The following EIF2D variants were observed in gnomAD, a reference collection of about 807,000 sequenced individuals.
The protein encoded by EIF2D is eukaryotic translation initiation factor 2D, also known as hepatocellular carcinoma-associated antigen 56.
A neutral mutation model predicts 77.4 loss-of-function variants in EIF2D; 56 were observed. The ratio of observed to expected loss-of-function variants is 0.72; its 90% confidence interval spans 0.58 to 0.90. The LOEUF is 0.90. EIF2D is among the 40% of genes least tolerant of loss of function. EIF2D has a pLI of 0.00. For missense variants in EIF2D, 574 were observed against 706.5 expected, an observed-to-expected ratio of 0.81 and a Z score of 2.13; for synonymous variants, 230 against 271.0, an observed-to-expected ratio of 0.85 and a Z score of 1.49.
At position 206,574,853 on chromosome 1, in the gene EIF2D, CTTTTTT is replaced by C. The variant is rs71570015; in HGVS notation, c.*255-2160_*255-2155del. On this transcript the variant is annotated intron_variant and NMD_transcript_variant, in intron 4 of 5. Coordinates refer to the EIF2D transcript ENST00000472709. ...GAGACCATCACAAAGGGACCAATGA[CTTTTTT>C]TTTTTTTTTTTTTTTTTTGAGATGG... 8.1e-5 allele frequency among the ~76,000 whole-genome samples: 7 copies of C among 86,070 alleles called. 1 individual carries two copies. The highest frequency in any genetic ancestry group is 1.8e-4 in the African/African-American group (4 of 21,880). 56.5% of individuals were successfully genotyped at this position (86,070 alleles called of 152,430 possible).
At chr1:206,610,776 G>C (rs1670440352) in intron 2 of EIF2D, among the ~76,000 whole-genome samples, 1 of 151,398 alleles carries the variant, frequency 6.6e-6, no homozygotes, top group South Asian at 2.1e-4. Context: ...AGCTGAGATT[G>C]CGCCACTGCA....
intron 5 of EIF2D, 161 bp downstream of exon 5, chr1:206,605,239 A>G: frequency 3.9e-6 from 2 of 517,624 alleles, no homozygotes; most frequent in South Asian, 6.2e-5. Context: ...CAAACAGGGG[A>G]AAAAAATATT....
chr1:206,602,975 A>G lies in EIF2D; in HGVS notation c.760T>C (p.Ser254Pro). 5 of 1,613,986 alleles carry G rather than the reference A, an allele frequency of 3.1e-6. No individual in the cohort carries two copies. In the South Asian group the frequency reaches 5.5e-5, roughly 18 times the overall value. Residue 254 changes from serine (S) to proline (P), a missense_variant, in exon 6 of 15, where the codon TCC becomes CCC. By Grantham distance (74) the Ser-to-Pro change is moderately conservative. Transcript: ENST00000271764. ...CCTTGAAGCGTTTTGCTATCTGTGG[A>G]GTCTTGGTTCAGGCCCCTGGTGCTG... ...DTSTRGLNQD[S>P]TDSKTLQEQM...
intron 11 of EIF2D, among the ~76,000 whole-genome samples, chr1:206,597,572 T>C (rs1392593682): frequency 6.6e-6 from 1 of 152,162 alleles, no homozygotes; most frequent in Non-Finnish European, 1.5e-5. Context: ...ATCCCAGCAC[T>C]TTGGGAGGCT....
chr1:206,603,375 C>A (rs1670027351), intron 5 of EIF2D, 171 bp from the exon 6 acceptor site: 1 of 831,732 alleles, frequency 1.2e-6, no homozygotes, highest in Non-Finnish European at 1.8e-6. Context: ...CAATTCTGGG[C>A]CCCTAAAAGT....
Position 206,584,515 on chromosome 1 carries a change from C to T in EIF2D, c.139-3353G>A. The T allele has an allele frequency of 6.2e-7, 1 of 1,614,146 alleles. No individual in the cohort carries two copies. The highest frequency in any genetic ancestry group is 8.5e-7 in the Non-Finnish European group (1 of 1,180,008). ...TCAAGGAGGTGAACCTGGCGGCTAC[C>T]ACGGACAAGCGGACATCCTTCTACC... is the stretch of plus-strand genomic sequence containing the variant. On this transcript the variant is annotated intron_variant and NMD_transcript_variant, in intron 2 of 5. Coordinates refer to the EIF2D transcript ENST00000472709. The surrounding 1 kb of genome is among the most constrained non-coding windows in gnomAD (Gnocchi z 4.9).
At chr1:206,590,741 T>C (rs1303528189), downstream of EIF2D, among the ~76,000 whole-genome samples, 6 of 152,168 alleles carry the variant, frequency 3.9e-5, no homozygotes, top group African/African-American at 9.7e-5. Flanking sequence ...TTTGTGGATA[T>C]TGTGGATATT....
rs1669343701 is a variant in EIF2D, at chr1:206,591,749, T to C, written c.*26A>G. On this transcript the variant is annotated 3_prime_UTR_variant, in exon 15 of 15. Transcript: ENST00000271764. ...GCCCAGAGCTTGGATTTCCACCGGA[T>C]CCACCACGTGAGACAAAAGAGTCTG... 6.2e-7 allele frequency: 1 copy of C among 1,610,518 alleles called. No individual in the cohort carries two copies. The highest frequency in any genetic ancestry group is 8.5e-7 in the Non-Finnish European group (1 of 1,176,716).
At chr1:206,570,485 T>G (rs1427384373), downstream of EIF2D, among the ~76,000 whole-genome samples, 1 of 152,122 alleles carries the variant, frequency 6.6e-6, no homozygotes, top group Non-Finnish European at 1.5e-5. Context: ...TTCCAGAACT[T>G]TTGTTTTCCC....
chr1:206,573,259 A>C (rs1296290828), intron 4 of EIF2D, among the ~76,000 whole-genome samples: 1 of 151,994 alleles, frequency 6.6e-6, no homozygotes, highest in Non-Finnish European at 1.5e-5. Context: ...TTTTACCTTC[A>C]CATCAATCCC....
At chr1:206,598,825 G>A (rs782190993) in intron 11 of EIF2D, among the ~76,000 whole-genome samples, 178 bp downstream of exon 11, 1 of 127,764 alleles carries the variant, frequency 7.8e-6, no homozygotes, top group Non-Finnish European at 1.7e-5. Flanking sequence ...ACATGGATCT[G>A]AACACCCCAG....
Position 206,602,383 on chromosome 1 carries a change from G to A in EIF2D, c.855C>T (p.Leu285=). ...ALKCRVKKAD[L]PLLTSTFLGS... ...CAAGGAAAGTGCTGGTGAGTAAAGGGAGGTCAGCCTTTTTGACTCGGCACT... is the reference window on the plus strand; with the variant it reads ...CAAGGAAAGTGCTGGTGAGTAAAGGAAGGTCAGCCTTTTTGACTCGGCACT... The change falls in exon 7 of 15, where the codon CTC becomes CTT. Residue 285 remains leucine (L), a synonymous_variant. Coordinates refer to ENST00000271764, the MANE Select transcript of EIF2D (RefSeq NM_006893.3). 11 of 1,614,242 alleles carry A rather than the reference G, an allele frequency of 6.8e-6. No individual in the cohort carries two copies. Among genetic ancestry groups the A allele is most frequent in the Non-Finnish European group, 9.3e-6 (11 of 1,180,040 alleles).
At chr1:206,604,337 G>A (rs1411941470) in intron 5 of EIF2D, among the ~76,000 whole-genome samples, 10 of 151,944 alleles carry the variant, frequency 6.6e-5, no homozygotes, top group East Asian at 3.9e-4. Context: ...CCAGCTACTC[G>A]GGAGGCTGAG....
At chr1:206,582,486 T>A (rs1217165805) in intron 2 of EIF2D, among the ~76,000 whole-genome samples, 1 of 152,190 alleles carries the variant, frequency 6.6e-6, no homozygotes, top group Non-Finnish European at 1.5e-5. Context: ...TAATAAACTA[T>A]CTTACAGACT....
In EIF2D at chr1:206,599,131, GTGCCATGAGACAAAAATGCAGA is replaced by G; in HGVS notation, c.1203-61_1203-40del. ...AGTGACCCAGGGGTTAGTTCATGCT[GTGCCATGAGACAAAAATGCAGA>G]TGCCCAGACTCACTCCCTGCTGAGC... On this transcript the variant is annotated intron_variant, in intron 10 of 14. Coordinates refer to ENST00000271764, the MANE Select transcript of EIF2D (RefSeq NM_006893.3). This position sits in a 1 kb window ranked among gnomAD's most constrained non-coding sequence, Gnocchi z 4.1. 1 of 1,592,766 alleles carries G rather than the reference GTGCCATGAGACAAAAATGCAGA, an allele frequency of 6.3e-7. No homozygotes were observed. Among genetic ancestry groups the G allele is most frequent in the Non-Finnish European group, 8.6e-7 (1 of 1,162,028 alleles).
In EIF2D at chr1:206,599,570, C is replaced by T; in HGVS notation, c.1095G>A (p.Gln365=). 5 of 1,605,620 alleles carry T rather than the reference C, an allele frequency of 3.1e-6. No individual in the cohort carries two copies. Among genetic ancestry groups the T allele is most frequent in the Non-Finnish European group, 4.3e-6 (5 of 1,175,886 alleles). ...FVIPEPSPTS[Q]TIQEGSREQP... is the part of the protein sequence containing the mutation. ...GTTCCCTGCTACCCTCCTGGATAGT[C>T]TGGGAGGTCGGGGAGGGCTCGGGTA... Residue 365 remains glutamine, a synonymous_variant, in exon 10 of 15, where the codon CAG becomes CAA. Transcript: ENST00000271764. This position sits in a 1 kb window ranked among gnomAD's most constrained non-coding sequence, Gnocchi z 4.1.
At chr1:206,575,179 G>A (rs1256293436) in intron 4 of EIF2D, among the ~76,000 whole-genome samples, 1 of 152,156 alleles carries the variant, frequency 6.6e-6, no homozygotes, top group Non-Finnish European at 1.5e-5. Context: ...CTTGCCTGCA[G>A]ACGTTCCCAT....
In EIF2D at chr1:206,603,165, T is replaced by C. The variant is rs1553411824; in HGVS notation, c.570A>G (p.Pro190=). The C allele has an allele frequency of 6.2e-7, 1 of 1,614,048 alleles. No homozygotes were observed. Among genetic ancestry groups the C allele is most frequent in the Non-Finnish European group, 8.5e-7 (1 of 1,180,010 alleles). The change falls in exon 6 of 15, where the codon CCA becomes CCG. Residue 190 remains proline (P), a synonymous_variant. Coordinates refer to ENST00000271764, the MANE Select transcript of EIF2D (RefSeq NM_006893.3). The stretch of plus-strand genomic sequence containing the variant: ...TGAGATCTGCTGAATCCAGGGCCAG[T>C]GGAGCAATGGAAGGTGGAGAGGACT... ...GNKSSPPSIA[P]LALDSADLSE...
At position 206,612,418 on chromosome 1, in the gene EIF2D, G is replaced by C; in HGVS notation, c.-76C>G. The stretch of plus-strand genomic sequence containing the variant: ...GAAAGCGAGGGCGCAGCAGCTGCCA[G>C]GCCCTCAGCCGTGGGGGCAGCCATG... On this transcript the variant is annotated 5_prime_UTR_variant, in exon 1 of 15. Transcript: ENST00000271764. The C allele has an allele frequency of 6.3e-7, 1 of 1,589,998 alleles. No individual in the cohort carries two copies. Among genetic ancestry groups the C allele is most frequent in the Non-Finnish European group, 8.6e-7 (1 of 1,158,842 alleles).
Sources: allele counts gnomAD v4.1 joint callset (sites outside exome capture counted in the v4.1 genomes callset), GRCh38; gene constraint gnomAD v4.1.1; non-coding constraint Gnocchi (gnomAD v3.1); transcripts MANE v1.5; gene names NCBI Gene and HGNC (gene_info 2026-07-23, HGNC 2026-07-21).